Variants in ATP13A4 observed in about 807,000 individuals in gnomAD.
ATP13A4 encodes probable cation-transporting ATPase 13A4.
A neutral mutation model predicts 142.5 loss-of-function variants in ATP13A4; 114 were observed. The ratio of observed to expected loss-of-function variants is 0.80; its 90% CI spans 0.69 to 0.93. The LOEUF (loss-of-function observed/expected upper bound fraction) is 0.93, where lower values mean the gene tolerates loss of function less well. ATP13A4 is among the 40% of genes least tolerant of loss of function. The probability of loss-of-function intolerance (pLI) is 0.00; values close to 1 mark genes in which losing one functional copy is unlikely to be tolerated. For missense variants in ATP13A4, 1,392 were observed against 1,454.0 expected (o/e 0.96, Z 0.69); for synonymous variants, 488 against 514.8 (o/e 0.95, Z 0.70).
chr3:193,553,565 T>TG (rs753588135), intron 1 of ATP13A4: 1 of 152,220 alleles, frequency 6.6e-6, no homozygotes, highest in African/African-American at 2.4e-5. Flanking sequence ...ATATCCAATG[T>TG]GGGCTAGCAA....
chr3:193,454,604 A>T (rs1717476811), intron 16 of ATP13A4, among the ~76,000 whole-genome samples: 1 of 152,228 alleles, frequency 6.6e-6, no homozygotes, highest in Non-Finnish European at 1.5e-5. Flanking sequence ...ACCTGACAAA[A>T]ATAAGCATGG....
chr3:193,555,607 A>G (rs1723856950), upstream of ATP13A4, among the ~76,000 whole-genome samples: 1 of 152,218 alleles, frequency 6.6e-6, no homozygotes, highest in African/African-American at 2.4e-5. Flanking sequence ...CTCTTTTTTA[A>G]TTTGTTTACA....
chr3:193,572,654 A>G (rs1724293298), intron 2 of ATP13A4, among the ~76,000 whole-genome samples: 1 of 152,138 alleles, frequency 6.6e-6, no homozygotes, highest in Non-Finnish European at 1.5e-5. Flanking sequence ...TCTGGACAAG[A>G]GTGGAGACAT....
chr3:193,552,449 T>C (rs746156134), intron 1 of ATP13A4, among the ~76,000 whole-genome samples: 2 of 152,226 alleles, frequency 1.3e-5, no homozygotes, highest in Non-Finnish European at 1.5e-5. Context: ...AAGTATATTA[T>C]AAAGCATGAA....
intron 10 of ATP13A4, among the ~76,000 whole-genome samples, chr3:193,466,398 C>T (rs765298545): frequency 7.2e-5 from 11 of 152,248 alleles, no homozygotes; most frequent in Non-Finnish European, 1.6e-4. Context: ...CCCTCTACTT[C>T]CAATTTCAAT....
At position 193,432,222 on chromosome 3, in the gene ATP13A4, C is replaced by A. The variant is rs186377675; in HGVS notation, c.2842+1623G>T. Among the ~76,000 whole-genome samples, 497 of 151,932 alleles carry A rather than the reference C, an allele frequency of 3.3e-3. 3 individuals carry two copies. The highest frequency in any genetic ancestry group is 0.012 in the African/African-American group (478 of 41,462). On this transcript the variant is annotated intron_variant, in intron 25 of 29. Coordinates refer to ENST00000342695, the MANE Select transcript of ATP13A4 (RefSeq NM_032279.4). ...AAAGCATAAATGGAACCACTACAAACCTATTAGAATGGCCAAAATCCAGAA... is the reference window on the plus strand; with the variant it reads ...AAAGCATAAATGGAACCACTACAAAACTATTAGAATGGCCAAAATCCAGAA...
intron 2 of ATP13A4, among the ~76,000 whole-genome samples, chr3:193,580,140 T>G (rs1188093834): frequency 3.3e-5 from 5 of 152,164 alleles, no homozygotes; most frequent in African/African-American, 1.2e-4. Context: ...TCCAATCTAT[T>G]TATTAAGAGC....
At chr3:193,577,528 T>TTA (rs1227746841) in intron 2 of ATP13A4, among the ~76,000 whole-genome samples, 1 of 152,244 alleles carries the variant, frequency 6.6e-6, no homozygotes, top group Admixed American at 6.5e-5. Context: ...TGCTCTGAAC[T>TTA]TATATAAGTA....
At chr3:193,520,713 A>G (rs1460903542) in intron 1 of ATP13A4, among the ~76,000 whole-genome samples, 1 of 152,232 alleles carries the variant, frequency 6.6e-6, no homozygotes, top group Non-Finnish European at 1.5e-5. Flanking sequence ...ATTATTAAAA[A>G]TAAAAAATAA....
rs533758164 is a variant in ATP13A4 at position 193,433,955 on chromosome 3, C to T, written c.2770-38G>A. On this transcript the variant is annotated intron_variant, in intron 24 of 29. Coordinates refer to ENST00000342695, the MANE Select transcript of ATP13A4 (RefSeq NM_032279.4). The stretch of plus-strand genomic sequence containing the variant: ...AGAAAGCAGATCAAAAAAGTTGTGA[C>T]CTTCTGGATGAAATTAGATATTGAT... The T allele has an allele frequency of 3.6e-5, 53 of 1,487,098 alleles. No homozygotes were observed. In the South Asian group the frequency reaches 5.6e-4, roughly 16 times the overall value. The allele number at this position is 1,487,098 out of a possible 1,614,324, so 92.1% of individuals were successfully genotyped here. A position where few individuals can be genotyped will look rare whatever the true frequency, so the allele number is the denominator to read the frequency against.
chr3:193,423,109 T>G (rs1265806061), intron 25 of ATP13A4, among the ~76,000 whole-genome samples: 1 of 149,302 alleles, frequency 6.7e-6, no homozygotes, highest in African/African-American at 2.5e-5. Flanking sequence ...AATTAGAAAA[T>G]CTAGAATAAA....
Position 193,498,254 on chromosome 3 carries a change from T to C in ATP13A4, c.381+4239A>G, listed in dbSNP as rs531646990. 4.3e-4 allele frequency among the ~76,000 whole-genome samples: 64 copies of C among 147,466 alleles called. 1 individual carries two copies. In the South Asian group the frequency reaches 9.9e-3, roughly 23 times the overall value. ...AATCCTGGTAGCCAGATTAAACCAG[T>C]AAAAAAAAGAAAAAGAAAAAGATAC... On this transcript the variant is annotated intron_variant, in intron 3 of 29. Coordinates refer to ENST00000342695, the MANE Select transcript of ATP13A4 (RefSeq NM_032279.4).
At chr3:193,458,955 C>T in intron 14 of ATP13A4, 126 bp downstream of exon 14, 1 of 1,351,216 alleles carries the variant, frequency 7.4e-7, no homozygotes, top group Non-Finnish European at 1.1e-6. Flanking sequence ...TTGGTTTGCC[C>T]TTCACTACCA....
chr3:193,582,948 G>T (rs1424977835), intron 1 of ATP13A4, among the ~76,000 whole-genome samples: 1 of 62,806 alleles, frequency 1.6e-5, no homozygotes, highest in African/African-American at 8.7e-5. Context: ...AAATATATAT[G>T]TATATTACAT....
chr3:193,442,150 CT>C (rs1258575771), intron 19 of ATP13A4, among the ~76,000 whole-genome samples: 1 of 152,206 alleles, frequency 6.6e-6, no homozygotes, highest in Non-Finnish European at 1.5e-5. Context: ...GCACTATATT[CT>C]TTCTCATATA....
intron 25 of ATP13A4, among the ~76,000 whole-genome samples, chr3:193,415,693 A>G (rs115999758): frequency 2.1e-4 from 32 of 152,338 alleles, no homozygotes; most frequent in African/African-American, 7.7e-4. Context: ...CACTCTGGGC[A>G]GAAAAGCAGT....
At chr3:193,457,341 G>C (rs1050262040) in intron 15 of ATP13A4, 38 bp downstream of exon 15, 2 of 1,606,220 alleles carry the variant, frequency 1.2e-6, no homozygotes, top group African/African-American at 2.7e-5. Context: ...TTCTCTTTGA[G>C]TTTGGGTGTT....
chr3:193,432,156 G>A (rs1576954324), intron 25 of ATP13A4, among the ~76,000 whole-genome samples: 1 of 151,968 alleles, frequency 6.6e-6, no homozygotes, highest in East Asian at 1.9e-4. Flanking sequence ...TAGATTATTA[G>A]ACGAATAAAA....
chr3:193,455,888 G>C (rs1717581076), intron 16 of ATP13A4, among the ~76,000 whole-genome samples: 1 of 152,150 alleles, frequency 6.6e-6, no homozygotes, highest in South Asian at 2.1e-4. Context: ...CCTTTGCAGA[G>C]ACCTGGATGG....
Sources: allele counts gnomAD v4.1 joint callset (sites outside exome capture counted in the v4.1 genomes callset), GRCh38; gene constraint gnomAD v4.1.1; transcripts MANE v1.5; gene names NCBI Gene and HGNC (gene_info 2026-07-23, HGNC 2026-07-21).